The following GATAD2B variants were observed in gnomAD, a reference collection of about 807,000 sequenced individuals.
GATAD2B encodes the protein GATA zinc finger domain containing 2B.
A neutral mutation model predicts 64.3 loss-of-function variants in GATAD2B; 8 were observed. That is an observed-to-expected ratio of 0.12 (90% CI 0.07 to 0.22). The LOEUF is 0.22. Ranked by LOEUF, GATAD2B falls within the 10% of genes least tolerant of loss-of-function variation. GATAD2B has a pLI of 1.00. For synonymous variants in GATAD2B, 281 were observed against 271.3 expected, an observed-to-expected ratio of 1.04 and a Z score of -0.35; for missense variants, 453 against 752.0, an observed-to-expected ratio of 0.60 and a Z score of 4.65.
At chr1:153,894,383 G>A (rs1266572514) in intron 1 of GATAD2B, among the ~76,000 whole-genome samples, 1 of 151,878 alleles carries the variant, frequency 6.6e-6, no homozygotes, top group African/African-American at 2.4e-5. Context: ...CAAGAAAATC[G>A]CTTCAACCCA....
chr1:153,824,636 A>AC (rs1293986889), intron 2 of GATAD2B, among the ~76,000 whole-genome samples: 2 of 150,934 alleles, frequency 1.3e-5, no homozygotes, highest in Non-Finnish European at 3.0e-5. Flanking sequence ...AAAAAAAAAA[A>AC]AGTTGGGTTT....
chr1:153,901,067 A>C (rs1179794473), intron 1 of GATAD2B, among the ~76,000 whole-genome samples: 1 of 152,084 alleles, frequency 6.6e-6, no homozygotes, highest in Non-Finnish European at 1.5e-5. Flanking sequence ...TACAAAAATT[A>C]GCCAGGTGTG....
intron 1 of GATAD2B, among the ~76,000 whole-genome samples, chr1:153,829,945 C>T (rs1034828205): frequency 3.3e-5 from 5 of 151,884 alleles, no homozygotes; most frequent in Non-Finnish European, 2.9e-5. Context: ...ACTAAAAATA[C>T]TAAAATTAGG....
At chr1:153,882,960 T>C (rs1677053631) in intron 1 of GATAD2B, among the ~76,000 whole-genome samples, 1 of 152,202 alleles carries the variant, frequency 6.6e-6, no homozygotes, top group Non-Finnish European at 1.5e-5. Context: ...TTCTTGGAGA[T>C]CTATTGGCTG....
intron 1 of GATAD2B, among the ~76,000 whole-genome samples, chr1:153,859,676 A>T (rs550458479): frequency 1.7e-3 from 257 of 151,524 alleles, no homozygotes; most frequent in Non-Finnish European, 2.8e-3. Flanking sequence ...TCTCAAAAAA[A>T]AATAATAAAA....
At chr1:153,839,775 G>A (rs891559499) in intron 1 of GATAD2B, among the ~76,000 whole-genome samples, 2 of 152,040 alleles carry the variant, frequency 1.3e-5, no homozygotes, top group Non-Finnish European at 2.9e-5. Flanking sequence ...TTTGAAACCA[G>A]CCTGACTAAC....
chr1:153,830,295 G>T (rs1675027872), intron 1 of GATAD2B, among the ~76,000 whole-genome samples: 1 of 149,088 alleles, frequency 6.7e-6, no homozygotes, highest in South Asian at 2.2e-4. Flanking sequence ...CTATGGGTGT[G>T]TGCCACCACG....
At chr1:153,842,309 C>T (rs967510001) in intron 1 of GATAD2B, among the ~76,000 whole-genome samples, 5 of 152,124 alleles carry the variant, frequency 3.3e-5, no homozygotes, top group Non-Finnish European at 5.9e-5. Context: ...ATTTCCTAAC[C>T]GAGCTCTTTG....
intron 1 of GATAD2B, among the ~76,000 whole-genome samples, chr1:153,877,688 A>T (rs947784401): frequency 6.6e-6 from 1 of 151,770 alleles, no homozygotes; most frequent in Non-Finnish European, 1.5e-5. Context: ...GACCAGCCTG[A>T]CCAACATGGT....
intron 1 of GATAD2B, among the ~76,000 whole-genome samples, chr1:153,867,716 C>A: frequency 6.6e-6 from 1 of 151,136 alleles, no homozygotes; most frequent in South Asian, 2.1e-4. Flanking sequence ...AAATACAAGC[C>A]GGGCATGGTG....
chr1:153,851,242 C>A (rs1299712025), intron 1 of GATAD2B, among the ~76,000 whole-genome samples: 1 of 152,152 alleles, frequency 6.6e-6, no homozygotes, highest in Non-Finnish European at 1.5e-5. Flanking sequence ...AGCATAATGT[C>A]CTCAAGCTTC....
chr1:153,887,110 T>C (rs1677207497), intron 1 of GATAD2B, among the ~76,000 whole-genome samples: 1 of 152,126 alleles, frequency 6.6e-6, no homozygotes, highest in South Asian at 2.1e-4. Context: ...CAAACCCCAT[T>C]CATATGGTCA....
intron 1 of GATAD2B, among the ~76,000 whole-genome samples, chr1:153,838,907 CG>C (rs1382638367): frequency 6.6e-6 from 1 of 151,784 alleles, no homozygotes; most frequent in African/African-American, 2.4e-5. Flanking sequence ...GCTGGGAGTT[CG>C]AGATCAGCCT....
chr1:153,869,612 C>A (rs1237312696), intron 1 of GATAD2B, among the ~76,000 whole-genome samples: 224 of 152,128 alleles, frequency 1.5e-3, no homozygotes, highest in Non-Finnish European at 4.7e-4. Context: ...CTTTTTTTAT[C>A]TGCCCTAGCC....
intron 1 of GATAD2B, among the ~76,000 whole-genome samples, chr1:153,860,021 T>G (rs1439080359): frequency 6.7e-6 from 1 of 148,894 alleles, no homozygotes; most frequent in Admixed American, 6.8e-5. Flanking sequence ...GTTCAAGCGA[T>G]TCTCCTGCCT....
rs1222312679 is a variant in GATAD2B at position 153,811,839 on chromosome 1, G to A, written c.1540C>T (p.Pro514Ser). Residue 514 changes from proline (P) to serine (S), a missense_variant, in exon 10 of 11, where the codon CCC becomes TCC. Pro to Ser is a moderately conservative substitution (Grantham distance 74, BLOSUM62 -1). Around this residue, in one of 2 missense-constraint regions of GATAD2B, gnomAD observed 160 missense variants for 334.7 expected, o/e 0.48. Transcript: ENST00000368655. The stretch of plus-strand genomic sequence containing the variant: ...ATGCCACGCTGGAGGCTGCTCTGGG[G>A]CTGTGGAGCCTGCAATGATGAGGAG... ...RHHTLRQAPQPQSSLQRGIPT... is the reference protein window; with the variant it reads ...RHHTLRQAPQSQSSLQRGIPT... 1.2e-6 allele frequency: 2 copies of A among 1,605,084 alleles called. No individual in the cohort carries two copies. Among genetic ancestry groups the A allele is most frequent in the Non-Finnish European group, 1.7e-6 (2 of 1,175,256 alleles).
chr1:153,905,339 C>T (rs1164061560), intron 1 of GATAD2B, among the ~76,000 whole-genome samples: 2 of 151,330 alleles, frequency 1.3e-5, no homozygotes, highest in Non-Finnish European at 2.9e-5. Flanking sequence ...ATCACGCCAC[C>T]GCACTCCAGC....
intron 1 of GATAD2B, among the ~76,000 whole-genome samples, chr1:153,902,888 T>C (rs761311678): frequency 8.5e-5 from 13 of 152,214 alleles, no homozygotes; most frequent in Non-Finnish European, 1.5e-4. Context: ...AGAAATGTTA[T>C]GTGGAGGCCT....
At chr1:153,908,966 C>G (rs1571006748) in intron 1 of GATAD2B, among the ~76,000 whole-genome samples, 1 of 151,400 alleles carries the variant, frequency 6.6e-6, no homozygotes, top group South Asian at 2.1e-4. Flanking sequence ...TTTAGGAGGC[C>G]GAGGTAGGAG....
Sources: gnomAD v4.1 joint callset for allele counts (sites outside exome capture counted in the v4.1 genomes callset) on GRCh38, gnomAD v4.1.1 for gene constraint, gnomAD v4.1.1 regional missense constraint, MANE v1.5 for transcripts, NCBI Gene and HGNC (gene_info 2026-07-23, HGNC 2026-07-21) for gene names.